The following ACTR3B variants were observed in gnomAD, a reference collection of about 807,000 sequenced individuals.
ACTR3B encodes the protein actin related protein 3B, also known as actin-related protein 3B.
A neutral mutation model predicts 59.0 loss-of-function variants in ACTR3B; 8 were observed. The ratio of observed to expected loss-of-function variants is 0.14; its 90% CI spans 0.08 to 0.24. The LOEUF (loss-of-function observed/expected upper bound fraction) is 0.24. Among genes scored for constraint, ACTR3B ranks in the 10% least tolerant of loss-of-function variants. ACTR3B has a pLI of 1.00. For missense variants in ACTR3B, 245 were observed against 552.3 expected (o/e 0.44, Z 5.58); for synonymous variants, 148 against 197.9 (o/e 0.75, Z 2.12).
At chr7:152,835,899 G>A (rs1035821218) in intron 9 of ACTR3B, among the ~76,000 whole-genome samples, 15 of 151,780 alleles carry the variant, frequency 9.9e-5, no homozygotes, top group African/African-American at 3.6e-4. Context: ...GTGGTGCTTA[G>A]AACACTCCTG....
intron 4 of ACTR3B, chr7:152,813,065 T>C (rs1328899020): frequency 6.8e-5 from 6 of 88,364 alleles, no homozygotes; most frequent in Non-Finnish European, 1.2e-4. Flanking sequence ...GAGAGACTGA[T>C]TTCTGGTGTC....
intron 9 of ACTR3B, among the ~76,000 whole-genome samples, chr7:152,825,374 C>T (rs1461055160): frequency 5.3e-5 from 8 of 152,096 alleles, no homozygotes; most frequent in East Asian, 1.9e-4. Flanking sequence ...TGCAGTGGTG[C>T]GATCTCAGCT....
chr7:152,762,234 C>CA (rs2117095419), intron 1 of ACTR3B, among the ~76,000 whole-genome samples: 1 of 152,164 alleles, frequency 6.6e-6, no homozygotes, highest in East Asian at 1.9e-4. Context: ...CTGCTGAGTC[C>CA]AAAAATAAAG....
intron 1 of ACTR3B, among the ~76,000 whole-genome samples, chr7:152,777,679 G>T (rs1380636356): frequency 1.3e-5 from 2 of 152,144 alleles, no homozygotes; most frequent in African/African-American, 2.4e-5. Context: ...AATTTGCCAT[G>T]CGCGGTGGCT....
chr7:152,761,951 C>T (rs1457700267), intron 1 of ACTR3B, among the ~76,000 whole-genome samples: 7 of 152,158 alleles, frequency 4.6e-5, no homozygotes, highest in Admixed American at 4.6e-4. Flanking sequence ...TGTCTGACAA[C>T]ATCATAAGAG....
In ACTR3B at chr7:152,823,332, G is replaced by C; in HGVS notation, c.685-10G>C. On this transcript the variant is annotated splice_polypyrimidine_tract_variant and intron_variant, in intron 7 of 11. Transcript: ENST00000256001. ...TTAATGCCTGGCAACATCTTTGTGTGTGTATGCAGGAGAAATACTGTTACA... is the reference window on the plus strand; with the variant it reads ...TTAATGCCTGGCAACATCTTTGTGTCTGTATGCAGGAGAAATACTGTTACA... 1.2e-6 allele frequency: 2 copies of C among 1,612,342 alleles called. No homozygotes were observed. Among genetic ancestry groups the C allele is most frequent in the East Asian group, 4.5e-5 (2 of 44,880 alleles).
chr7:152,807,967 C>T (rs543958674), intron 4 of ACTR3B, among the ~76,000 whole-genome samples: 1 of 152,270 alleles, frequency 6.6e-6, no homozygotes, highest in East Asian at 1.9e-4. Flanking sequence ...CCATTGCCAC[C>T]GTCTGTCTCC....
chr7:152,853,412 G>C (rs1798992108), intron 10 of ACTR3B, 82 bp from the exon 11 acceptor site: 1 of 1,319,682 alleles, frequency 7.6e-7, no homozygotes, highest in African/African-American at 1.5e-5. Context: ...CCTGGGTGCA[G>C]CTGTGGTCTC....
At chr7:152,848,702 T>A (rs1486721380) in intron 9 of ACTR3B, among the ~76,000 whole-genome samples, 2 of 152,178 alleles carry the variant, frequency 1.3e-5, no homozygotes, top group Non-Finnish European at 2.9e-5. Context: ...AACATGCTTT[T>A]AAGTTATGAT....
intron 10 of ACTR3B, 32 bp from the exon 11 acceptor site, chr7:152,853,462 G>T (rs763879136): frequency 1.2e-6 from 2 of 1,601,760 alleles, no homozygotes; most frequent in Admixed American, 3.3e-5. Flanking sequence ...GTCTGTGGGT[G>T]TGGGGTAAGT....
At chr7:152,788,133 T>G (rs1363117772) in intron 2 of ACTR3B, among the ~76,000 whole-genome samples, 1 of 125,742 alleles carries the variant, frequency 8.0e-6, no homozygotes, top group East Asian at 2.3e-4. Flanking sequence ...ATTTTTGTAT[T>G]TTTAGTAGAG....
At chr7:152,780,919 C>A (rs1417076698) in intron 1 of ACTR3B, among the ~76,000 whole-genome samples, 1 of 147,300 alleles carries the variant, frequency 6.8e-6, no homozygotes, top group South Asian at 2.2e-4. Flanking sequence ...AGTCATAGTT[C>A]ACTGCAACCT....
At chr7:152,778,034 A>G (rs908421804) in intron 1 of ACTR3B, among the ~76,000 whole-genome samples, 3 of 151,926 alleles carry the variant, frequency 2.0e-5, no homozygotes, top group African/African-American at 7.2e-5. Context: ...GATTTGTAAT[A>G]TCTAATTCTT....
intron 10 of ACTR3B, 108 bp from the exon 11 acceptor site, chr7:152,853,386 A>G (rs1798989314): frequency 5.4e-6 from 5 of 917,644 alleles, no homozygotes; most frequent in South Asian, 1.4e-5. Context: ...TGCTCGTGCC[A>G]TAAGAGGAGG....
chr7:152,821,857 A>G (rs1174221365), intron 7 of ACTR3B, among the ~76,000 whole-genome samples: 1 of 152,208 alleles, frequency 6.6e-6, no homozygotes, highest in Non-Finnish European at 1.5e-5. Flanking sequence ...CCTTACTGCC[A>G]TGGCCTTCTG....
intron 2 of ACTR3B, 67 bp from the exon 3 acceptor site, chr7:152,800,464 A>G (rs2098231795): frequency 1.3e-6 from 2 of 1,572,112 alleles, no homozygotes; most frequent in Non-Finnish European, 1.7e-6. Context: ...TAAGGATATT[A>G]TCCCTTTTGA....
At chr7:152,785,334 T>G in intron 2 of ACTR3B, among the ~76,000 whole-genome samples, 1 of 115,308 alleles carries the variant, frequency 8.7e-6, no homozygotes, top group South Asian at 3.4e-4. Flanking sequence ...GTCAAAGAGG[T>G]GGGAGTAAAA....
Position 152,852,261 on chromosome 7 carries a change from A to G in ACTR3B, c.1077+10A>G, listed in dbSNP as rs1590482387. ...CGGCGGGAGGATCAAGGTAGGAGCC[A>G]GAGGCCTCCACGCAGTGCCTGGGGC... On this transcript the variant is annotated intron_variant, in intron 10 of 11. Coordinates refer to ENST00000256001, the MANE Select transcript of ACTR3B (RefSeq NM_020445.6). The G allele has an allele frequency of 6.2e-7, 1 of 1,604,010 alleles. No homozygotes were observed. The highest frequency in any genetic ancestry group is 1.1e-5 in the South Asian group (1 of 90,798).
intron 2 of ACTR3B, among the ~76,000 whole-genome samples, chr7:152,788,550 C>T (rs1292347706): frequency 6.6e-6 from 1 of 151,446 alleles, no homozygotes; most frequent in Non-Finnish European, 1.5e-5. Context: ...GTAGTTGGGA[C>T]TACAGGTGCA....
Sources: gnomAD v4.1 joint callset for allele counts (sites outside exome capture counted in the v4.1 genomes callset) on GRCh38, gnomAD v4.1.1 for gene constraint, MANE v1.5 for transcripts, NCBI Gene and HGNC (gene_info 2026-07-23, HGNC 2026-07-21) for gene names.